ATP9A: variants seen among roughly 807,000 people sequenced by gnomAD.
The protein encoded by ATP9A is probable phospholipid-transporting ATPase IIA.
In ATP9A, 52 loss-of-function variants were observed where a neutral mutation model predicts 144.1. The ratio of observed to expected loss-of-function variants is 0.36; its 90% confidence interval spans 0.29 to 0.45. The LOEUF is 0.45. Among genes scored for constraint, ATP9A ranks in the 20% least tolerant of loss-of-function variants. The pLI is 1.00. For missense variants in ATP9A, 947 were observed against 1,392.7 expected, an observed-to-expected ratio of 0.68 and a Z score of 5.09; for synonymous variants, 582 against 557.4, an observed-to-expected ratio of 1.04 and a Z score of -0.62.
chr20:51,734,185 T>C (rs1214756729), intron 1 of ATP9A, among the ~76,000 whole-genome samples: 7 of 152,104 alleles, frequency 4.6e-5, no homozygotes, highest in South Asian at 2.1e-4. Flanking sequence ...GGTTTCACCA[T>C]GCAGCCCAGG....
At chr20:51,696,165 CTG>C (rs2077569912) in intron 5 of ATP9A, 21 bp from the exon 6 acceptor site, 2 of 1,612,426 alleles carry the variant, frequency 1.2e-6, no homozygotes, top group Non-Finnish European at 1.7e-6. Context: ...AAAAGAAAGA[CTG>C]TTACTGTGAA....
chr20:51,676,073 C>T, intron 10 of ATP9A, 59 bp downstream of exon 10: 1 of 1,299,954 alleles, frequency 7.7e-7, no homozygotes, highest in Non-Finnish European at 1.1e-6. Flanking sequence ...TCTCGTCACT[C>T]ACCCACCAGA....
Position 51,611,759 on chromosome 20 carries a change from G to T in ATP9A, c.2572-1594C>A, listed in dbSNP as rs116344476. ...ATCATTAAAGCCACAGCATTATCCT[G>T]TTCAATTGGTGAGTTAACATAAAAG... On this transcript the variant is annotated intron_variant, in intron 23 of 27. Transcript: ENST00000338821. This position sits in a 1 kb window ranked among gnomAD's most constrained non-coding sequence, Gnocchi z 4.2. 7.9e-3 allele frequency among the ~76,000 whole-genome samples: 1,204 copies of T among 152,294 alleles called. 16 individuals carry two copies. The highest frequency in any genetic ancestry group is 0.028 in the African/African-American group (1,145 of 41,534).
rs1555833671 is a variant in ATP9A at position 51,657,245 on chromosome 20, A to G, written c.1294-95T>C. Reference sequence around the variant, plus strand: ...CGTGCAGCTATTGTTTCTTTTTTCTACTGTTCCAACACACAGAACCCTTAG... The same window carrying G: ...CGTGCAGCTATTGTTTCTTTTTTCTGCTGTTCCAACACACAGAACCCTTAG... On this transcript the variant is annotated intron_variant, in intron 13 of 27. Coordinates refer to ENST00000338821, the MANE Select transcript of ATP9A (RefSeq NM_006045.3). The G allele has an allele frequency of 3.0e-6, 3 of 993,892 alleles. No individual in the cohort carries two copies. The East Asian group carries it at 7.8e-5, about 26-fold the overall frequency. 61.6% of individuals were successfully genotyped at this position (993,892 alleles called of 1,614,324 possible).
At chr20:51,667,798 T>C (rs749197979) in intron 13 of ATP9A, among the ~76,000 whole-genome samples, 2 of 151,644 alleles carry the variant, frequency 1.3e-5, no homozygotes, top group African/African-American at 2.4e-5. Context: ...ATGCCTGTAA[T>C]CCCAACACTT....
chr20:51,674,347 G>GAGCT, intron 10 of ATP9A, 34 bp from the exon 11 acceptor site: 1 of 1,607,500 alleles, frequency 6.2e-7, no homozygotes, highest in Non-Finnish European at 8.5e-7. Context: ...GGCTTGAGAT[G>GAGCT]AGCTGGTGTA....
chr20:51,686,951 A>T (rs1451236881), intron 9 of ATP9A, among the ~76,000 whole-genome samples: 1 of 149,284 alleles, frequency 6.7e-6, no homozygotes. Context: ...TAAGCCAACT[A>T]GTAACTTACA....
chr20:51,731,497 G>A (rs984054892), intron 1 of ATP9A, among the ~76,000 whole-genome samples: 10 of 151,688 alleles, frequency 6.6e-5, no homozygotes, highest in African/African-American at 2.2e-4. Flanking sequence ...GCAGGCGGAG[G>A]TACCTGAGGT....
At chr20:51,634,643 G>A (rs1460965745) in intron 15 of ATP9A, among the ~76,000 whole-genome samples, 1 of 151,924 alleles carries the variant, frequency 6.6e-6, no homozygotes, top group Non-Finnish European at 1.5e-5. Context: ...ATCACCTGAG[G>A]TCGGGAGTTC....
At chr20:51,758,901 G>A (rs2077867440) in intron 1 of ATP9A, among the ~76,000 whole-genome samples, 1 of 152,130 alleles carries the variant, frequency 6.6e-6, no homozygotes, top group South Asian at 2.1e-4. Context: ...CTCCAGCCTG[G>A]GCAACAGAAG....
At position 51,697,482 on chromosome 20, in the gene ATP9A, C is replaced by A; in HGVS notation, c.437G>T (p.Gly146Val). 1 of 1,613,154 alleles carries A rather than the reference C, an allele frequency of 6.2e-7. No homozygotes were observed. Residue 146 changes from glycine to valine, a missense_variant and splice_region_variant, in exon 5 of 28, where the codon GGC becomes GTC. By Grantham distance (109) the Gly-to-Val change is moderately radical. Coordinates refer to ENST00000338821, the MANE Select transcript of ATP9A (RefSeq NM_006045.3). ...SQVYSRLTAR[G>V]TVKVKSSNIQ... ...GTTAGAACTCTTCACCTTCACTGTG[C>A]CTGCAAAGCAGCAGGTTCAAGATAC...
chr20:51,752,715 C>G (rs2077837732), intron 1 of ATP9A, among the ~76,000 whole-genome samples: 1 of 152,142 alleles, frequency 6.6e-6, no homozygotes, highest in Non-Finnish European at 1.5e-5. Context: ...TTATCCGATC[C>G]CAGTTAGGTG....
Position 51,714,284 on chromosome 20 carries a change from G to A in ATP9A, c.328-1210C>T, listed in dbSNP as rs542308855. Among the ~76,000 whole-genome samples, 24 of 152,288 alleles carry A rather than the reference G, an allele frequency of 1.6e-4. No homozygotes were observed. In the South Asian group the frequency reaches 5.0e-3, roughly 32 times the overall value. On this transcript the variant is annotated intron_variant, in intron 3 of 27. Transcript: ENST00000338821. ...TGCAATCTCCACCTCCCGGGCTCAA[G>A]AGATCCTCCTGCCTCAGCCTCCGGA...
In ATP9A at chr20:51,652,724, T is replaced by A. The variant is rs935973189; in HGVS notation, c.1506+4214A>T. Among the ~76,000 whole-genome samples, 7 of 152,354 alleles carry A rather than the reference T, an allele frequency of 4.6e-5. No individual in the cohort carries two copies. In the South Asian group the frequency reaches 6.2e-4, roughly 14 times the overall value. On this transcript the variant is annotated intron_variant, in intron 14 of 27. Transcript: ENST00000338821. Reference sequence around the variant, plus strand: ...CTATACCTTTAGTAAGATTATGGGCTACTTTTTACTTTTCTGATCAATGCA... The same window carrying A: ...CTATACCTTTAGTAAGATTATGGGCAACTTTTTACTTTTCTGATCAATGCA...
At chr20:51,607,657 T>C (rs1385764998) in intron 25 of ATP9A, 73 bp from the exon 26 acceptor site, 1 of 1,239,024 alleles carries the variant, frequency 8.1e-7, no homozygotes, top group African/African-American at 1.5e-5. Context: ...AGCTTTCACG[T>C]TATTCTCCCG....
chr20:51,748,760 C>T (rs2077818668), intron 1 of ATP9A, among the ~76,000 whole-genome samples: 2 of 152,160 alleles, frequency 1.3e-5, no homozygotes, highest in South Asian at 4.1e-4. Flanking sequence ...ACTTGTGTGA[C>T]ATTTCTAGTA....
intron 2 of ATP9A, 138 bp from the exon 3 acceptor site, chr20:51,726,070 T>C: frequency 3.2e-6 from 2 of 629,616 alleles, no homozygotes; most frequent in South Asian, 1.9e-5. Context: ...TCCCAGAACT[T>C]TGGGAGGCCG....
intron 14 of ATP9A, among the ~76,000 whole-genome samples, chr20:51,640,342 C>T (rs2077313622): frequency 6.6e-6 from 1 of 152,158 alleles, no homozygotes; most frequent in African/African-American, 2.4e-5. Flanking sequence ...GTACTTGTCA[C>T]AACTGGAAGG....
chr20:51,746,312 TAA>T (rs1354259213), intron 1 of ATP9A, among the ~76,000 whole-genome samples: 1 of 152,170 alleles, frequency 6.6e-6, no homozygotes, highest in African/African-American at 2.4e-5. Context: ...GAACCTAAAA[TAA>T]AAGTTTTTAA....
Sources: gnomAD v4.1 joint callset for allele counts (sites outside exome capture counted in the v4.1 genomes callset) on GRCh38, gnomAD v4.1.1 for gene constraint, Gnocchi (gnomAD v3.1) non-coding constraint, MANE v1.5 for transcripts, NCBI Gene and HGNC (gene_info 2026-07-23, HGNC 2026-07-21) for gene names.